Variants in DNAI2 observed in about 807,000 individuals in gnomAD.
DNAI2 encodes dynein axonemal intermediate chain 2.
Under a neutral mutation model 74.7 loss-of-function variants are expected in DNAI2, and 63 were observed. The observed-to-expected ratio is 0.84, with a 90% CI of 0.69 to 1.04. The LOEUF (loss-of-function observed/expected upper bound fraction) is 1.04. Among genes scored for constraint, DNAI2 ranks in the 50% least tolerant of loss-of-function variants. The probability of loss-of-function intolerance (pLI) is 0.00; values close to 1 mark genes in which losing one functional copy is unlikely to be tolerated. For missense variants in DNAI2, 688 were observed against 803.2 expected, an observed-to-expected ratio of 0.86 and a Z score of 1.73; for synonymous variants, 289 against 314.9, an observed-to-expected ratio of 0.92 and a Z score of 0.87.
At chr17:74,281,771 G>T (rs1433594958) in intron 1 of DNAI2, 36 bp from the exon 2 acceptor site, 1 of 1,602,798 alleles carries the variant, frequency 6.2e-7, no homozygotes, top group Non-Finnish European at 8.5e-7. Context: ...GGGGCCGGTG[G>T]GGTCCCTCAC....
chr17:74,304,924 G>C (rs763978870), intron 8 of DNAI2, among the ~76,000 whole-genome samples: 22 of 152,176 alleles, frequency 1.4e-4, no homozygotes, highest in Admixed American at 5.2e-4. Flanking sequence ...ATGCATCGAG[G>C]ACACAGTGGT....
chr17:74,283,675 G>A (rs35082870), intron 2 of DNAI2, among the ~76,000 whole-genome samples: 2,071 of 152,026 alleles, frequency 0.014, 29 homozygotes, highest in Non-Finnish European at 0.022. Context: ...AGGCAGAGGC[G>A]AGAGGATCAC....
Position 74,307,205 on chromosome 17 carries a change from G to A in DNAI2, c.1211+1763G>A, listed in dbSNP as rs563511988. ...TTAGGAGCCTTCCCAATGTCTTCAG[G>A]TCCTGCAGGCTGCCAGGGCTGTGTG... On this transcript the variant is annotated intron_variant, in intron 9 of 13. Coordinates refer to ENST00000311014, the MANE Select transcript of DNAI2 (RefSeq NM_023036.6). The A allele has an allele frequency of 1.9e-3, 848 of 455,760 alleles. 3 individuals are homozygous for A. Among genetic ancestry groups the A allele is most frequent in the Non-Finnish European group, 2.3e-3 (526 of 226,822 alleles). The allele number at this position is 455,760 out of a possible 1,614,324, so 28.2% of individuals were successfully genotyped here.
At chr17:74,311,936 C>A in intron 11 of DNAI2, 67 bp from the exon 12 acceptor site, 1 of 1,506,200 alleles carries the variant, frequency 6.6e-7, no homozygotes, top group Non-Finnish European at 9.1e-7. Flanking sequence ...CCACCTGGCC[C>A]CAGCACTGGA....
chr17:74,301,922 G>A (rs374914591), intron 8 of DNAI2, among the ~76,000 whole-genome samples: 65 of 9,130 alleles, frequency 7.1e-3, no homozygotes, highest in Non-Finnish European at 0.013. Flanking sequence ...AAGGAAGGAA[G>A]GAAGGAAGGA....
In DNAI2 at chr17:74,287,105, C is replaced by T. The variant is rs1421393242; in HGVS notation, c.467+7C>T. 2 of 1,613,496 alleles carry T rather than the reference C, an allele frequency of 1.2e-6. No homozygotes were observed. The highest frequency in any genetic ancestry group is 2.7e-5 in the African/African-American group (2 of 74,916). ...AAACCATCAATGTGTTCAGGTAGCG[C>T]CATAGCCAGGCAGGTGTCTGGCCAC... is the stretch of plus-strand genomic sequence containing the variant. On this transcript the variant is annotated splice_region_variant and intron_variant, in intron 4 of 13. Transcript: ENST00000311014.
Position 74,285,024 on chromosome 17 carries a change from G to A in DNAI2, c.184-16G>A. 6.2e-7 allele frequency: 1 copy of A among 1,614,072 alleles called. No individual in the cohort carries two copies. Among genetic ancestry groups the A allele is most frequent in the East Asian group, 2.2e-5 (1 of 44,880 alleles). On this transcript the variant is annotated splice_polypyrimidine_tract_variant and intron_variant, in intron 2 of 13. Coordinates refer to ENST00000311014, the MANE Select transcript of DNAI2 (RefSeq NM_023036.6). The stretch of plus-strand genomic sequence containing the variant: ...ATACCAGGGTGACGTCTTCCCTCCT[G>A]CGGCTCTCTGTTTAGGCCAACTCAG...
chr17:74,290,364 G>C (rs2052011582), intron 5 of DNAI2, among the ~76,000 whole-genome samples: 1 of 152,170 alleles, frequency 6.6e-6, no homozygotes, highest in Non-Finnish European at 1.5e-5. Context: ...AGGGACTCAA[G>C]GGGCGGCGGA....
At chr17:74,280,396 G>A (rs544242961) in intron 1 of DNAI2, among the ~76,000 whole-genome samples, 1 of 152,302 alleles carries the variant, frequency 6.6e-6, no homozygotes, top group East Asian at 1.9e-4. Flanking sequence ...TTGAAATCAG[G>A]GCCGAGCCCA....
At chr17:74,278,553 A>G (rs1238830167) in intron 1 of DNAI2, among the ~76,000 whole-genome samples, 2 of 152,192 alleles carry the variant, frequency 1.3e-5, no homozygotes, top group East Asian at 3.8e-4. Context: ...CATATTCTGG[A>G]TGCAAGTTCT....
chr17:74,291,654 C>G (rs919504389), intron 6 of DNAI2, among the ~76,000 whole-genome samples: 1 of 152,156 alleles, frequency 6.6e-6, no homozygotes, highest in Non-Finnish European at 1.5e-5. Context: ...CTAAAATTAG[C>G]TCAAAATAAA....
Position 74,312,249 on chromosome 17 carries a change from G to A in DNAI2, c.1722+19G>A, listed in dbSNP as rs1232918124. 2 of 534,486 alleles carry A rather than the reference G, an allele frequency of 3.7e-6. No individual in the cohort carries two copies. Among genetic ancestry groups the A allele is most frequent in the Non-Finnish European group, 7.4e-6 (2 of 270,518 alleles). The allele number at this position is 534,486 out of a possible 1,614,324, so 33.1% of individuals were successfully genotyped here. On this transcript the variant is annotated intron_variant, in intron 12 of 13. Transcript: ENST00000311014. Reference sequence around the variant, plus strand: ...AGTGCCTGTAGGGGCCTGGACAGGGGTTGGGTGGGTTGGGGACTGGGCGGG... The same window carrying A: ...AGTGCCTGTAGGGGCCTGGACAGGGATTGGGTGGGTTGGGGACTGGGCGGG...
chr17:74,296,872 C>T (rs2052475800), intron 6 of DNAI2, among the ~76,000 whole-genome samples: 1 of 152,156 alleles, frequency 6.6e-6, no homozygotes, highest in Non-Finnish European at 1.5e-5. Flanking sequence ...TTAACTAGGG[C>T]AAGTGAAAAT....
intron 6 of DNAI2, among the ~76,000 whole-genome samples, chr17:74,295,233 TAAAAAAA>T (rs57143936): frequency 8.9e-6 from 1 of 112,356 alleles, no homozygotes; most frequent in East Asian, 2.6e-4. Context: ...CATCTCTACT[TAAAAAAA>T]AAAAAAAAAA....
chr17:74,293,098 GCTGGGATAA>G (rs1279215464), intron 6 of DNAI2, among the ~76,000 whole-genome samples: 2 of 152,146 alleles, frequency 1.3e-5, no homozygotes, highest in South Asian at 2.1e-4. Context: ...CTCCCAAAGT[GCTGGGATAA>G]CAGGCGTGAG....
rs753361006 is a variant in DNAI2 at position 74,300,770 on chromosome 17, G to A, written c.865-276G>A. On this transcript the variant is annotated intron_variant, in intron 7 of 13. Transcript: ENST00000311014. The surrounding 1 kb of genome is among the most constrained non-coding windows in gnomAD (Gnocchi z 4.5). Reference sequence around the variant, plus strand: ...GGAGTCTTGGCATATACCGATTCTTGGCCTTGCACCTGGAGGTTTTGATTC... The same window carrying A: ...GGAGTCTTGGCATATACCGATTCTTAGCCTTGCACCTGGAGGTTTTGATTC... Among the ~76,000 whole-genome samples, 2 of 152,098 alleles carry A rather than the reference G, an allele frequency of 1.3e-5. No homozygotes were observed. The highest frequency in any genetic ancestry group is 2.9e-5 in the Non-Finnish European group (2 of 68,028).
chr17:74,278,889 C>T (rs1307406563), intron 1 of DNAI2, among the ~76,000 whole-genome samples: 4 of 152,320 alleles, frequency 2.6e-5, no homozygotes, highest in South Asian at 2.1e-4. Flanking sequence ...ACTAACAGGC[C>T]GGGCGCGGTG....
intron 6 of DNAI2, among the ~76,000 whole-genome samples, chr17:74,293,055 G>C (rs557934521): frequency 6.6e-6 from 1 of 151,342 alleles, no homozygotes; most frequent in Non-Finnish European, 1.5e-5. Context: ...GGATGGTCTC[G>C]ATCTCCTGAC....
chr17:74,275,404 A>C (rs1272981360), intron 1 of DNAI2, among the ~76,000 whole-genome samples: 2 of 152,130 alleles, frequency 1.3e-5, no homozygotes, highest in Non-Finnish European at 2.9e-5. Context: ...AGGACCCCGG[A>C]ATTCCAGAAG....
Sources: allele counts gnomAD v4.1 joint callset (sites outside exome capture counted in the v4.1 genomes callset), GRCh38; gene constraint gnomAD v4.1.1; non-coding constraint Gnocchi (gnomAD v3.1); transcripts MANE v1.5; gene names NCBI Gene and HGNC (gene_info 2026-07-23, HGNC 2026-07-21).